The following SBF2 variants were observed in gnomAD, a reference collection of about 807,000 sequenced individuals.
The protein encoded by SBF2 is myotubularin-related protein 13.
In SBF2, 112 loss-of-function variants were observed where a neutral mutation model predicts 225.2. The ratio of observed to expected loss-of-function variants is 0.50; its 90% CI spans 0.43 to 0.58. SBF2 has a LOEUF of 0.58. Among genes scored for constraint, SBF2 ranks in the 20% least tolerant of loss-of-function variants. The pLI, the probability that SBF2 is intolerant of heterozygous loss-of-function variation, is 0.00. For missense variants in SBF2, 1,996 were observed against 2,206.2 expected, an observed-to-expected ratio of 0.90 and a Z score of 1.91; for synonymous variants, 763 against 773.3, an observed-to-expected ratio of 0.99 and a Z score of 0.22.
At chr11:9,983,666 A>T (rs1378830753) in intron 13 of SBF2, among the ~76,000 whole-genome samples, 2 of 152,138 alleles carry the variant, frequency 1.3e-5, no homozygotes, top group Non-Finnish European at 2.9e-5. Flanking sequence ...AAGGGCCCTC[A>T]TGGAGCTCAC....
chr11:10,239,613 GA>G (rs1244171631), intron 1 of SBF2, among the ~76,000 whole-genome samples: 1 of 150,132 alleles, frequency 6.7e-6, no homozygotes, highest in Admixed American at 6.6e-5. Context: ...AAAAAAGGAG[GA>G]AAAGGTAAAT....
chr11:10,209,302 C>T (rs1259685545), intron 1 of SBF2, among the ~76,000 whole-genome samples: 1 of 91,536 alleles, frequency 1.1e-5, no homozygotes, highest in East Asian at 7.0e-4. Context: ...CTCCTCTCCA[C>T]AAATTTGTTT....
intron 2 of SBF2, among the ~76,000 whole-genome samples, chr11:10,074,639 T>A (rs562293036): frequency 6.6e-6 from 1 of 152,322 alleles, no homozygotes; most frequent in South Asian, 2.1e-4. Flanking sequence ...TGCACTGAAC[T>A]CCATTACCTA....
chr11:10,265,857 T>TTGTGTGTG (rs10616720), intron 1 of SBF2, among the ~76,000 whole-genome samples: 1 of 150,168 alleles, frequency 6.7e-6, no homozygotes, highest in Non-Finnish European at 1.5e-5. Flanking sequence ...GCCAGGCTAA[T>TTGTGTGTG]TGTGTGTGTG....
chr11:10,231,931 G>T (rs953146461), intron 1 of SBF2, among the ~76,000 whole-genome samples: 3 of 152,210 alleles, frequency 2.0e-5, no homozygotes, highest in Non-Finnish European at 4.4e-5. Flanking sequence ...GCAGGCAGGC[G>T]TCCTTGAGCT....
chr11:9,896,103 T>A, intron 16 of SBF2, 92 bp from the exon 17 acceptor site: 1 of 1,011,750 alleles, frequency 9.9e-7, no homozygotes, highest in South Asian at 1.3e-5. Flanking sequence ...CTGTTTACTG[T>A]CCTATGGGGT....
In SBF2 at chr11:9,846,984, C is replaced by G; in HGVS notation, c.2906G>C (p.Gly969Ala). Residue 969 changes from glycine (G) to alanine (A), a missense_variant, in exon 23 of 40, where the codon GGA (glycine) becomes GCA (alanine). Gly to Ala is a moderately conservative substitution (Grantham distance 60, BLOSUM62 0). Transcript: ENST00000256190. Reference sequence around the variant, plus strand: ...AAAAGATGCTGATGTGATCTGCAGTCCTTCTTGCATGTTCTGCTGTAGCTG... The same window carrying G: ...AAAAGATGCTGATGTGATCTGCAGTGCTTCTTGCATGTTCTGCTGTAGCTG... ...QNQLQQNMQE[G>A]LQITSASFQL... 1.9e-6 allele frequency: 3 copies of G among 1,613,842 alleles called. No homozygotes were observed. Among genetic ancestry groups the G allele is most frequent in the Non-Finnish European group, 2.5e-6 (3 of 1,179,774 alleles).
intron 2 of SBF2, among the ~76,000 whole-genome samples, chr11:10,114,828 A>T (rs1185275553): frequency 6.6e-6 from 1 of 152,110 alleles, no homozygotes; most frequent in Non-Finnish European, 1.5e-5. Flanking sequence ...TATCTTACTT[A>T]TGTTTGCACA....
intron 16 of SBF2, among the ~76,000 whole-genome samples, chr11:9,924,198 T>A (rs1863848865): frequency 6.6e-6 from 1 of 152,238 alleles, no homozygotes; most frequent in South Asian, 2.1e-4. Flanking sequence ...GAAAGTGATA[T>A]GCATTCGGTA....
chr11:9,858,142 G>GTT, intron 18 of SBF2, 84 bp downstream of exon 18: 3 of 1,507,110 alleles, frequency 2.0e-6, no homozygotes, highest in Non-Finnish European at 2.8e-6. Flanking sequence ...AGTAGCTAGA[G>GTT]TTTTTTTTGC....
In SBF2 at chr11:9,849,989, G is replaced by C. The variant is rs373156027; in HGVS notation, c.2806+34C>G. 9.7e-5 allele frequency: 153 copies of C among 1,582,684 alleles called. No individual in the cohort carries two copies. The African/African-American group carries it at 1.8e-3, about 19-fold the overall frequency. ...GGATCGAGACCTCATGTACCACACA[G>C]ATACCCATGTTCTGATGGCATATCG... On this transcript the variant is annotated intron_variant, in intron 22 of 39. Coordinates refer to ENST00000256190, the MANE Select transcript of SBF2 (RefSeq NM_030962.4).
chr11:9,794,676 CAAAA>C (rs575749593), intron 33 of SBF2, among the ~76,000 whole-genome samples: 53 of 35,344 alleles, frequency 1.5e-3, no homozygotes, highest in African/African-American at 4.8e-3. Flanking sequence ...GACTCCGTCT[CAAAA>C]AAAAAAAAAA....
chr11:10,232,609 G>A (rs1339988701), intron 1 of SBF2, among the ~76,000 whole-genome samples: 1 of 150,426 alleles, frequency 6.6e-6, no homozygotes, highest in African/African-American at 2.5e-5. Flanking sequence ...TGTCACCGAG[G>A]CTGGAGTACA....
chr11:10,302,770 G>C (rs1018453175), intron 1 of SBF2: 4 of 136,106 alleles, frequency 2.9e-5, no homozygotes, highest in Non-Finnish European at 6.7e-5. Flanking sequence ...AGGCAGCGAG[G>C]TGGCAGCGAG....
At chr11:9,925,673 T>C (rs1289229721) in intron 16 of SBF2, among the ~76,000 whole-genome samples, 3 of 152,250 alleles carry the variant, frequency 2.0e-5, no homozygotes, top group African/African-American at 7.2e-5. Flanking sequence ...TTAGACACAT[T>C]TCACCTAGTC....
At chr11:9,905,336 T>A (rs542569863) in intron 16 of SBF2, among the ~76,000 whole-genome samples, 13 of 152,264 alleles carry the variant, frequency 8.5e-5, no homozygotes, top group Non-Finnish European at 1.6e-4. Context: ...ATGAGTGATA[T>A]GCCTTTTTGA....
At chr11:10,229,458 T>C (rs1243212031) in intron 1 of SBF2, among the ~76,000 whole-genome samples, 3 of 152,252 alleles carry the variant, frequency 2.0e-5, no homozygotes, top group Non-Finnish European at 2.9e-5. Context: ...TTTAGTGCTA[T>C]AACTTTCCCT....
At chr11:9,811,718 CTT>C (rs74334261) in intron 30 of SBF2, among the ~76,000 whole-genome samples, 33 of 142,636 alleles carry the variant, frequency 2.3e-4, no homozygotes, top group Admixed American at 2.1e-4. Context: ...ACATCATTTC[CTT>C]TTTTTTTTTT....
chr11:10,171,972 T>C (rs1220793431), intron 2 of SBF2, among the ~76,000 whole-genome samples: 1 of 152,216 alleles, frequency 6.6e-6, no homozygotes, highest in African/African-American at 2.4e-5. Context: ...TTTGAATATC[T>C]GCAGTATCAG....
Sources: allele counts gnomAD v4.1 joint callset (sites outside exome capture counted in the v4.1 genomes callset), GRCh38; gene constraint gnomAD v4.1.1; transcripts MANE v1.5; gene names NCBI Gene and HGNC (gene_info 2026-07-23, HGNC 2026-07-21).